Variants in PCARE observed in about 807,000 individuals in gnomAD.
PCARE encodes the protein uncharacterized protein C2orf71.
A neutral mutation model predicts 82.2 loss-of-function variants in PCARE; 72 were observed. The observed-to-expected ratio is 0.88, with a 90% CI of 0.72 to 1.07. PCARE has a LOEUF of 1.07. Ranked by LOEUF, PCARE falls within the 50% of genes least tolerant of loss-of-function variation. The probability of loss-of-function intolerance (pLI) is 0.00; values close to 1 mark genes in which losing one functional copy is unlikely to be tolerated. For missense variants in PCARE, 1,768 were observed against 1,592.4 expected, an observed-to-expected ratio of 1.11 and a Z score of -1.88; for synonymous variants, 705 against 634.8, an observed-to-expected ratio of 1.11 and a Z score of -1.66.
In PCARE at chr2:29,064,865, C is replaced by T; in HGVS notation, c.*4G>A. On this transcript the variant is annotated 3_prime_UTR_variant, in exon 2 of 2. Transcript: ENST00000331664. ...TGCGTGAGTGTGGCCCCCTCGTCAG[C>T]CTGTCAGGACACCTCCTCTTGCTGG... is the stretch of plus-strand genomic sequence containing the variant. 4 of 1,610,860 alleles carry T rather than the reference C, an allele frequency of 2.5e-6. No homozygotes were observed. In the South Asian group the frequency reaches 3.3e-5, roughly 13 times the overall value.
intron 1 of PCARE, among the ~76,000 whole-genome samples, chr2:29,067,934 C>G (rs1432848259): frequency 6.6e-6 from 1 of 152,222 alleles, no homozygotes; most frequent in African/African-American, 2.4e-5. Flanking sequence ...TTAGGCTGCC[C>G]TATTCTGAGG....
chr2:29,069,438 C>T (rs1667438280), intron 1 of PCARE, among the ~76,000 whole-genome samples: 1 of 152,184 alleles, frequency 6.6e-6, no homozygotes, highest in African/African-American at 2.4e-5. Flanking sequence ...CCTTAGCAAA[C>T]TAACCAAATA....
In PCARE at chr2:29,074,159, C is replaced by T. The variant is rs187178339; in HGVS notation, c.103G>A (p.Gly35Arg). ...PKAIRPGCQG[G>R]SERGSIPLLV... The stretch of plus-strand genomic sequence containing the variant: ...AAAGGGATGGAACCTCTTTCACTTC[C>T]GCCCTGACATCCTGGCCGAATTGCT... Residue 35 changes from glycine to arginine, a missense_variant, in exon 1 of 2, where the codon GGA (glycine) becomes AGA (arginine). Coordinates refer to ENST00000331664, the MANE Select transcript of PCARE (RefSeq NM_001029883.3). The T allele has an allele frequency of 9.9e-4, 1,603 of 1,611,254 alleles. 2 individuals are homozygous for T. Among genetic ancestry groups the T allele is most frequent in the Non-Finnish European group, 1.1e-3 (1,344 of 1,177,988 alleles).
chr2:29,070,822 G>A lies in PCARE; in HGVS notation c.3440C>T (p.Ser1147Leu), dbSNP rs368208413. The A allele has an allele frequency of 3.3e-5, 53 of 1,614,140 alleles. No homozygotes were observed. In the African/African-American group the frequency reaches 4.1e-4, roughly 13 times the overall value. Residue 1147 changes from serine (S) to leucine (L), a missense_variant, in exon 1 of 2, where the codon TCG (serine) becomes TTG (leucine). Ser to Leu is a moderately radical substitution (Grantham distance 145). Transcript: ENST00000331664. ...AGGGCCCCCAGCCTCTGGCGGCAGC[G>A]ATGGTGGGGTCAGTGGGTGGGCTGT... is the stretch of plus-strand genomic sequence containing the variant. ...LSTAHPLTPP[S>L]LPPEAGGPLG... is the part of the protein sequence containing the mutation.
chr2:29,072,960 G>A lies in PCARE; in HGVS notation c.1302C>T (p.Cys434=), dbSNP rs1292556640. ...PRAQDEARSP[C]LSSTSPENIT... Reference sequence around the variant, plus strand: ...TATTTTCTGGGCTTGTACTGGAGAGGCATGGGCTCCTTGCTTCGTCCTGTG... The same window carrying A: ...TATTTTCTGGGCTTGTACTGGAGAGACATGGGCTCCTTGCTTCGTCCTGTG... Residue 434 remains cysteine (C), a synonymous_variant, in exon 1 of 2, where the codon TGC becomes TGT. Transcript: ENST00000331664. 8.1e-6 allele frequency: 13 copies of A among 1,614,036 alleles called. No individual in the cohort carries two copies. The highest frequency in any genetic ancestry group is 1.0e-5 in the Non-Finnish European group (12 of 1,180,034).
chr2:29,073,415 C>A lies in PCARE; in HGVS notation c.847G>T (p.Gly283Cys). The change falls in exon 1 of 2, where the codon GGC becomes TGC. Residue 283 changes from glycine (G) to cysteine (C), a missense_variant. Physicochemically the swap from Gly to Cys is radical, Grantham distance 159. Transcript: ENST00000331664. ...CTGCCGGTGAGCGAGGCCACTGTGC[C>A]ATTGAGCACCTGCAGCTTGCTGACT... ...YTVSKLQVLN[G>C]TVASLTGSFL... 1 of 1,614,030 alleles carries A rather than the reference C, an allele frequency of 6.2e-7. No homozygotes were observed. The highest frequency in any genetic ancestry group is 1.1e-5 in the South Asian group (1 of 91,070).
chr2:29,072,695 T>C lies in PCARE; in HGVS notation c.1567A>G (p.Ser523Gly), dbSNP rs1462582075. ...RPQSSPADRE[S>G]PFQARTRRLR... is the part of the protein sequence containing the mutation. ...CTCCTGGTGCGGGCCTGAAATGGGC[T>C]TTCCCGGTCAGCAGGTGAAGATTGT... The change falls in exon 1 of 2, where the codon AGC (serine) becomes GGC (glycine). Residue 523 changes from serine to glycine, a missense_variant. Physicochemically the swap from Ser to Gly is moderately conservative, Grantham distance 56. Coordinates refer to ENST00000331664, the MANE Select transcript of PCARE (RefSeq NM_001029883.3). The C allele has an allele frequency of 6.2e-7, 1 of 1,614,078 alleles. No homozygotes were observed. The highest frequency in any genetic ancestry group is 1.1e-5 in the South Asian group (1 of 91,082).
In PCARE at chr2:29,072,927, G is replaced by A. The variant is rs761125693; in HGVS notation, c.1335C>T (p.Ser445=). 37 of 1,614,046 alleles carry A rather than the reference G, an allele frequency of 2.3e-5. No homozygotes were observed. Among genetic ancestry groups the A allele is most frequent in the African/African-American group, 2.7e-5 (2 of 74,912 alleles). Residue 445 remains serine, a synonymous_variant, in exon 1 of 2, where the codon TCC becomes TCT. Transcript: ENST00000331664. Reference sequence around the variant, plus strand: ...TGCTTGTCCCCAGCTTCAAAGGTGGGGAGGTGATATTTTCTGGGCTTGTAC... The same window carrying A: ...TGCTTGTCCCCAGCTTCAAAGGTGGAGAGGTGATATTTTCTGGGCTTGTAC... The part of the protein sequence containing the change: ...LSSTSPENIT[S]PPLKLGTSTP...
Position 29,070,629 on chromosome 2 carries a change from G to T in PCARE, c.3633C>A (p.Thr1211=). 6.2e-7 allele frequency: 1 copy of T among 1,614,070 alleles called. No homozygotes were observed. Among genetic ancestry groups the T allele is most frequent in the Non-Finnish European group, 8.5e-7 (1 of 1,179,926 alleles). Residue 1211 remains threonine, a synonymous_variant, in exon 1 of 2, where the codon ACC becomes ACA. Transcript: ENST00000331664. ...CGAGCTGGGATTCATAAGAGGTGCT[G>T]GTGGGGTCCAAGGTGGGAGGCTGCG... ...GRPQPPTLDP[T]STSYESQLGQ...
At position 29,072,072 on chromosome 2, in the gene PCARE, G is replaced by T. The variant is rs369820535; in HGVS notation, c.2190C>A (p.Ser730=). The T allele has an allele frequency of 2.5e-6, 4 of 1,614,178 alleles. No homozygotes were observed. In the Admixed American group the frequency reaches 5.0e-5, roughly 20 times the overall value. The change falls in exon 1 of 2, where the codon TCC becomes TCA. Residue 730 remains serine, a synonymous_variant. Transcript: ENST00000331664. ...WNVRGCPTRT[S]VKKLIETFSP... ...TGAAAGTTTCAATAAGCTTCTTGAC[G>T]GATGTTCTGGTGGGACAGCCTCTGA...
rs777641868 is a variant in PCARE at position 29,064,871 on chromosome 2, A to G, written c.3865T>C (p.Ter1289ArgextTer28). ...EAQPQQEEVS[*>R] is the part of the protein sequence containing the mutation. ...AGTGTGGCCCCCTCGTCAGCCTGTC[A>G]GGACACCTCCTCTTGCTGGGGCTGC... Residue 1289 changes from the stop codon to arginine, a stop_lost, in exon 2 of 2, where the codon TGA becomes CGA. Coordinates refer to ENST00000331664, the MANE Select transcript of PCARE (RefSeq NM_001029883.3). The G allele has an allele frequency of 1.2e-6, 2 of 1,611,080 alleles. No individual in the cohort carries two copies. Among genetic ancestry groups the G allele is most frequent in the Non-Finnish European group, 1.7e-6 (2 of 1,179,940 alleles).
chr2:29,072,497 CA>C lies in PCARE; in HGVS notation c.1764del (p.Glu589ArgfsTer156). ...PSTVSGSRRAPERQTRSQSES... is the reference protein window; with the variant it reads ...PSTVSGSRRAXERQTRSQSES... ...TCTGACTGGGACCTCGTCTGCCTCT[CA>C]GGGGCCCTCCTGCTGCCACTTACCG... is the stretch of plus-strand genomic sequence containing the variant. On this transcript the variant is annotated frameshift_variant, in exon 1 of 2. Transcript: ENST00000331664. LOFTEE classifies it high-confidence loss of function. 1 of 1,614,244 alleles carries C rather than the reference CA, an allele frequency of 6.2e-7. No individual in the cohort carries two copies. Among genetic ancestry groups the C allele is most frequent in the Non-Finnish European group, 8.5e-7 (1 of 1,180,048 alleles).
At position 29,062,765 on chromosome 2, in the gene PCARE, A is replaced by G. The variant is rs1562391; in HGVS notation, c.*2104T>C. 0.54 allele frequency: 82,518 copies of G among 151,954 alleles called. 22,804 individuals are homozygous for G. The highest frequency in any genetic ancestry group is 0.83 in the East Asian group (4,259 of 5,138). 9.4% of individuals were successfully genotyped at this position (151,954 alleles called of 1,614,324 possible). ...CAGCCTTGCTTCCCCTCACTGCTGG[A>G]GTGGCTCCACTTCATATCCCGGTTC... On this transcript the variant is annotated 3_prime_UTR_variant, in exon 2 of 2. Transcript: ENST00000331664.
intron 1 of PCARE, among the ~76,000 whole-genome samples, chr2:29,068,632 C>A (rs1323150071): frequency 6.6e-6 from 1 of 152,104 alleles, no homozygotes; most frequent in Non-Finnish European, 1.5e-5. Flanking sequence ...TTTCAGTGTC[C>A]AGTAATGGCT....
intron 1 of PCARE, among the ~76,000 whole-genome samples, chr2:29,068,835 CTT>C (rs1456488980): frequency 6.6e-6 from 1 of 152,184 alleles, no homozygotes; most frequent in Non-Finnish European, 1.5e-5. Flanking sequence ...ACTCTACAAA[CTT>C]TTGAAGTTAG....
chr2:29,071,490 C>T lies in PCARE; in HGVS notation c.2772G>A (p.Leu924=), dbSNP rs1323714546. The change falls in exon 1 of 2, where the codon CTG becomes CTA. Residue 924 remains leucine (L), a synonymous_variant. Coordinates refer to ENST00000331664, the MANE Select transcript of PCARE (RefSeq NM_001029883.3). ...TTTGGCTGGTGGCTGGTGGGCTGCTCAGGTCCAGGGCTGGCTTCCTGGGCT... is the reference window on the plus strand; with the variant it reads ...TTTGGCTGGTGGCTGGTGGGCTGCTTAGGTCCAGGGCTGGCTTCCTGGGCT... The part of the protein sequence containing the change: ...SCQPRKPALD[L]SSPPATSQSP... 2.5e-6 allele frequency: 4 copies of T among 1,610,822 alleles called. No homozygotes were observed. The East Asian group carries it at 6.7e-5, about 27-fold the overall frequency.
chr2:29,071,658 TC>T lies in PCARE; in HGVS notation c.2603del (p.Gly868GlufsTer15). On this transcript the variant is annotated frameshift_variant, in exon 1 of 2. Coordinates refer to ENST00000331664, the MANE Select transcript of PCARE (RefSeq NM_001029883.3). LOFTEE classifies it high-confidence loss of function. ...ATGTTCTCCTGGTGGGGCCAGCCTC[TC>T]CCGGCCCTGGCTCCTGGGTTTCCTT... ...SPKETQEPGP[G>X]EAGPTRRTWA... is the part of the protein sequence containing the mutation. 6.2e-7 allele frequency: 1 copy of T among 1,613,986 alleles called. No homozygotes were observed. The highest frequency in any genetic ancestry group is 8.5e-7 in the Non-Finnish European group (1 of 1,179,920).
At chr2:29,066,380 G>T (rs1010321022) in intron 1 of PCARE, among the ~76,000 whole-genome samples, 1 of 152,158 alleles carries the variant, frequency 6.6e-6, no homozygotes, top group African/African-American at 2.4e-5. Context: ...GGGACTATGA[G>T]GCCTTGGTCA....
At chr2:29,067,467 G>A (rs1667406506) in intron 1 of PCARE, among the ~76,000 whole-genome samples, 1 of 152,158 alleles carries the variant, frequency 6.6e-6, no homozygotes. Flanking sequence ...AAGAGGCGGG[G>A]GAATGGTTGC....
Sources: gnomAD v4.1 joint callset for allele counts (sites outside exome capture counted in the v4.1 genomes callset) on GRCh38, gnomAD v4.1.1 for gene constraint, MANE v1.5 for transcripts, NCBI Gene and HGNC (gene_info 2026-07-23, HGNC 2026-07-21) for gene names.